Variants in MTMR9 observed in about 807,000 individuals in gnomAD.
MTMR9 encodes the protein myotubularin related protein 9, also known as myotubularin-related protein 9.
A neutral mutation model predicts 69.5 loss-of-function variants in MTMR9; 39 were observed. The observed-to-expected ratio is 0.56, with a 90% CI of 0.43 to 0.73. The LOEUF (loss-of-function observed/expected upper bound fraction) is 0.73. MTMR9 is among the 30% of genes least tolerant of loss of function. The probability of loss-of-function intolerance (pLI) is 0.00; values close to 1 mark genes in which losing one functional copy is unlikely to be tolerated. For synonymous variants in MTMR9, 354 were observed against 240.8 expected (o/e 1.47, Z -4.35); for missense variants, 900 against 671.2 (o/e 1.34, Z -3.77).
downstream of MTMR9, among the ~76,000 whole-genome samples, chr8:11,329,754 A>C (rs1801120052): frequency 6.6e-6 from 1 of 151,970 alleles, no homozygotes; most frequent in East Asian, 1.9e-4. Flanking sequence ...GGAAGGGAGG[A>C]GCGTCTCCGC....
intron 6 of MTMR9, among the ~76,000 whole-genome samples, chr8:11,312,438 C>T (rs1221395280): frequency 1.3e-5 from 2 of 152,192 alleles, no homozygotes; most frequent in Non-Finnish European, 2.9e-5. Flanking sequence ...CTTCAAACTC[C>T]TGGCTTCAAG....
rs1800434125 is a variant in MTMR9 at position 11,316,758 on chromosome 8, T to A, written c.1199T>A (p.Phe400Tyr). 1 of 1,613,950 alleles carries A rather than the reference T, an allele frequency of 6.2e-7. No individual in the cohort carries two copies. Residue 400 changes from phenylalanine (F) to tyrosine (Y), a missense_variant, in exon 8 of 10, where the codon TTC becomes TAC. Coordinates refer to ENST00000221086, the MANE Select transcript of MTMR9 (RefSeq NM_015458.4). ...QKWEAPVFLLFLDCVWQILRQ... is the reference protein window; with the variant it reads ...QKWEAPVFLLYLDCVWQILRQ... ...TGGGAGGCTCCTGTATTTCTTCTCTTCTTGGACTGCGTGTGGCAGATCCTT... is the reference window on the plus strand; with the variant it reads ...TGGGAGGCTCCTGTATTTCTTCTCTACTTGGACTGCGTGTGGCAGATCCTT...
intron 8 of MTMR9, chr8:11,317,430 A>C (rs140747490): frequency 6.6e-6 from 1 of 152,312 alleles, no homozygotes; most frequent in African/African-American, 2.4e-5. Context: ...ATCAGGCATT[A>C]GATTCTCATA....
chr8:11,326,348 C>T lies in MTMR9; in HGVS notation c.*3560C>T, dbSNP rs931431011. On this transcript the variant is annotated 3_prime_UTR_variant, in exon 10 of 10. Coordinates refer to ENST00000221086, the MANE Select transcript of MTMR9 (RefSeq NM_015458.4). ...AAACAACACAAGCGTTTTATGAGCACTCTTTATCAGAAAGGTATTTCCTGG... is the reference window on the plus strand; with the variant it reads ...AAACAACACAAGCGTTTTATGAGCATTCTTTATCAGAAAGGTATTTCCTGG... 2 of 152,202 alleles carry T rather than the reference C, an allele frequency of 1.3e-5. No homozygotes were observed. The highest frequency in any genetic ancestry group is 2.9e-5 in the Non-Finnish European group (2 of 68,032). 9.4% of individuals were successfully genotyped at this position (152,202 alleles called of 1,614,324 possible).
chr8:11,287,698 A>G (rs1799212960), intron 1 of MTMR9, among the ~76,000 whole-genome samples: 1 of 134,422 alleles, frequency 7.4e-6, no homozygotes, highest in Non-Finnish European at 1.5e-5. Flanking sequence ...TATGTTTATT[A>G]TATATTATAT....
At chr8:11,329,791 G>A (rs1160789396), downstream of MTMR9, among the ~76,000 whole-genome samples, 2 of 151,996 alleles carry the variant, frequency 1.3e-5, no homozygotes, top group African/African-American at 2.4e-5. Flanking sequence ...TGGGATGTGA[G>A]GAGCCCCTCT....
rs1344052738 is a variant in MTMR9, at chr8:11,316,823, C to A, written c.1264C>A (p.Leu422Ile). The A allele has an allele frequency of 1.2e-6, 2 of 1,613,788 alleles. No homozygotes were observed. The highest frequency in any genetic ancestry group is 1.7e-6 in the Non-Finnish European group (2 of 1,179,862). ...PCSFEFNENF[L>I]IMLFEHAYAS... The stretch of plus-strand genomic sequence containing the variant: ...TTCTTTTGAGTTTAATGAGAATTTC[C>A]TCATCATGCTCTTTGAGCATGCTTA... Residue 422 changes from leucine to isoleucine, a missense_variant, in exon 8 of 10, where the codon CTC (leucine) becomes ATC (isoleucine). Transcript: ENST00000221086.
chr8:11,310,091 TTG>T (rs1800136169), intron 6 of MTMR9, among the ~76,000 whole-genome samples: 1 of 152,232 alleles, frequency 6.6e-6, no homozygotes, highest in African/African-American at 2.4e-5. Flanking sequence ...AAACGTAATT[TTG>T]TTACACAGTA....
intron 1 of MTMR9, among the ~76,000 whole-genome samples, chr8:11,287,899 T>C (rs1258536800): frequency 7.8e-6 from 1 of 127,774 alleles, no homozygotes; most frequent in Middle Eastern, 4.3e-3. Flanking sequence ...ATACGTATTA[T>C]ATATAACATA....
At chr8:11,322,527 G>A in intron 9 of MTMR9, 98 bp from the exon 10 acceptor site, 1 of 992,954 alleles carries the variant, frequency 1.0e-6, no homozygotes, top group South Asian at 1.5e-5. Context: ...AAAGAAAAAA[G>A]AATGTATAAT....
chr8:11,313,071 AC>A (rs1425888570), intron 6 of MTMR9, among the ~76,000 whole-genome samples: 1 of 152,178 alleles, frequency 6.6e-6, no homozygotes, highest in African/African-American at 2.4e-5. Flanking sequence ...ATTTAGTGTA[AC>A]CCTTAAGGCC....
intron 1 of MTMR9, among the ~76,000 whole-genome samples, chr8:11,288,300 A>T (rs985949155): frequency 6.4e-5 from 9 of 140,230 alleles, no homozygotes; most frequent in Admixed American, 1.5e-4. Context: ...TATAATATAT[A>T]TTATAATATG....
chr8:11,296,870 G>A (rs1284426540), intron 2 of MTMR9, among the ~76,000 whole-genome samples: 1 of 151,908 alleles, frequency 6.6e-6, no homozygotes, highest in Non-Finnish European at 1.5e-5. Context: ...CTTAAGACAG[G>A]GTGTGTTTGC....
intron 5 of MTMR9, among the ~76,000 whole-genome samples, chr8:11,307,334 A>G (rs1200498573): frequency 6.6e-6 from 1 of 152,134 alleles, no homozygotes; most frequent in Non-Finnish European, 1.5e-5. Flanking sequence ...GGCCCCTCAA[A>G]GTGTTGAAAT....
At chr8:11,316,485 T>C in intron 7 of MTMR9, 188 bp from the exon 8 acceptor site, 2 of 437,732 alleles carry the variant, frequency 4.6e-6, no homozygotes, top group East Asian at 3.5e-5. Context: ...GAAGTGTGTC[T>C]TTTTCCTTAG....
chr8:11,288,914 T>C (rs1226872032), intron 1 of MTMR9, among the ~76,000 whole-genome samples: 1 of 152,216 alleles, frequency 6.6e-6, no homozygotes, highest in East Asian at 1.9e-4. Context: ...GGCTCACGCC[T>C]GTAATCCCAG....
At chr8:11,299,891 A>T in intron 2 of MTMR9, 132 bp from the exon 3 acceptor site, 1 of 1,089,774 alleles carries the variant, frequency 9.2e-7, no homozygotes, top group Non-Finnish European at 1.3e-6. Context: ...CTGGTGATAA[A>T]CACAATGTTA....
At chr8:11,296,867 C>T (rs974035094) in intron 2 of MTMR9, among the ~76,000 whole-genome samples, 2 of 151,534 alleles carry the variant, frequency 1.3e-5, no homozygotes, top group African/African-American at 4.9e-5. Context: ...TAGCTTAAGA[C>T]AGGGTGTGTT....
rs143346877 is a variant in MTMR9 at position 11,315,059 on chromosome 8, C to T, written c.1108C>T (p.Leu370=). ...TGAGGCCCTGATTGAAAGAGAGTGGCTGCAGGTGAGAAGAGCTGTTTGATT... is the reference window on the plus strand; with the variant it reads ...TGAGGCCCTGATTGAAAGAGAGTGGTTGCAGGTGAGAAGAGCTGTTTGATT... ...GFEALIEREW[L]QAGHPFQQRC... is the part of the protein sequence containing the mutation. Residue 370 remains leucine, a synonymous_variant, in exon 7 of 10, where the codon CTG becomes TTG. Coordinates refer to ENST00000221086, the MANE Select transcript of MTMR9 (RefSeq NM_015458.4). The T allele has an allele frequency of 2.5e-6, 4 of 1,613,254 alleles. No individual in the cohort carries two copies. Among genetic ancestry groups the T allele is most frequent in the African/African-American group, 1.3e-5 (1 of 74,898 alleles).
Sources: gnomAD v4.1 joint callset for allele counts (sites outside exome capture counted in the v4.1 genomes callset) on GRCh38, gnomAD v4.1.1 for gene constraint, MANE v1.5 for transcripts, NCBI Gene and HGNC (gene_info 2026-07-23, HGNC 2026-07-21) for gene names.